ABCB9: variants seen among roughly 807,000 people sequenced by gnomAD.
ABCB9 encodes ABC-type oligopeptide transporter ABCB9.
Under a neutral mutation model 62.0 loss-of-function variants are expected in ABCB9, and 36 were observed. That is an observed-to-expected ratio of 0.58 (90% CI 0.45 to 0.77). The LOEUF (loss-of-function observed/expected upper bound fraction) is 0.77. Among genes scored for constraint, ABCB9 ranks in the 30% least tolerant of loss-of-function variants. The probability of loss-of-function intolerance (pLI) is 0.00; values close to 1 mark genes in which losing one functional copy is unlikely to be tolerated. For synonymous variants in ABCB9, 435 were observed against 461.4 expected (o/e 0.94, Z 0.73); for missense variants, 943 against 1,054.7 (o/e 0.89, Z 1.47).
At chr12:122,970,663 C>T (rs1176234357), upstream of ABCB9, among the ~76,000 whole-genome samples, 2 of 152,154 alleles carry the variant, frequency 1.3e-5, no homozygotes, top group Non-Finnish European at 2.9e-5. Flanking sequence ...TGAAACATCA[C>T]TACATACCCC....
Position 122,940,412 on chromosome 12 carries a change from G to T in ABCB9, c.1570-128C>A. Reference sequence around the variant, plus strand: ...TGTGCCTCTCCCTCGCTTGGGCACTGCTGGCCCCTAAACGTTCTTTCTAAG... The same window carrying T: ...TGTGCCTCTCCCTCGCTTGGGCACTTCTGGCCCCTAAACGTTCTTTCTAAG... On this transcript the variant is annotated intron_variant, in intron 8 of 11. Transcript: ENST00000280560. This position sits in a 1 kb window ranked among gnomAD's most constrained non-coding sequence, Gnocchi z 4.8. 9.2e-7 allele frequency: 1 copy of T among 1,092,720 alleles called. No individual in the cohort carries two copies. The highest frequency in any genetic ancestry group is 1.3e-6 in the Non-Finnish European group (1 of 776,652). The allele number at this position is 1,092,720 out of a possible 1,614,324, so 67.7% of individuals were successfully genotyped here. A position where few individuals can be genotyped will look rare whatever the true frequency, so the allele number is the denominator to read the frequency against.
chr12:122,954,171 C>CAA (rs557726998), intron 2 of ABCB9, among the ~76,000 whole-genome samples: 56 of 114,850 alleles, frequency 4.9e-4, no homozygotes, highest in African/African-American at 1.3e-3. Flanking sequence ...GGCCCTGCCT[C>CAA]AAAAAAAAAA....
intron 11 of ABCB9, among the ~76,000 whole-genome samples, chr12:122,921,905 G>T (rs769362086): frequency 7.2e-5 from 11 of 152,138 alleles, no homozygotes; most frequent in Non-Finnish European, 1.3e-4. Flanking sequence ...GAAACAAATG[G>T]TCAGCAGCAA....
rs900134284 is a variant in ABCB9 at position 122,930,657 on chromosome 12, C to A, written c.2041-486G>T. On this transcript the variant is annotated intron_variant, in intron 11 of 11. Coordinates refer to ENST00000280560, the MANE Select transcript of ABCB9 (RefSeq NM_019625.4). The surrounding 1 kb of genome is among the most constrained non-coding windows in gnomAD (Gnocchi z 4.9). ...ACACCTGACTTTGTGATCCGCCTGG[C>A]CTCGGCCTCCCAAAGTGCTGGGATT... Among the ~76,000 whole-genome samples, 18 of 152,030 alleles carry A rather than the reference C, an allele frequency of 1.2e-4. No individual in the cohort carries two copies. The highest frequency in any genetic ancestry group is 4.4e-4 in the African/African-American group (18 of 41,374).
upstream of ABCB9, among the ~76,000 whole-genome samples, chr12:122,967,501 A>G (rs1037839386): frequency 1.1e-4 from 17 of 152,178 alleles, no homozygotes; most frequent in African/African-American, 4.1e-4. Context: ...CTCTGATCAG[A>G]GGCTTTGTTT....
At position 122,929,686 on chromosome 12, in the gene ABCB9, GGAGGT is replaced by G. The variant is rs1211991353; in HGVS notation, c.*220_*224del. 3.0e-5 allele frequency: 38 copies of G among 1,287,506 alleles called. No individual in the cohort carries two copies. In the African/African-American group the frequency reaches 5.0e-4, roughly 17 times the overall value. The allele number at this position is 1,287,506 out of a possible 1,614,324, so 79.8% of individuals were successfully genotyped here. On this transcript the variant is annotated 3_prime_UTR_variant, in exon 12 of 12. Transcript: ENST00000280560. The surrounding 1 kb of genome is among the most constrained non-coding windows in gnomAD (Gnocchi z 6.0). ...GCTCTACCTTTGCTTAGGAGGCTAG[GGAGGT>G]CCGTGAAGGCGTTGGCTCAGGGCAG...
intron 4 of ABCB9, 107 bp downstream of exon 4, chr12:122,949,677 GAAGA>G (rs2036247654): frequency 7.2e-7 from 1 of 1,397,642 alleles, no homozygotes; most frequent in African/African-American, 1.4e-5. Flanking sequence ...AGCAGGAGGA[GAAGA>G]CAGAGGGCTG....
Position 122,929,121 on chromosome 12 carries a change from A to G in ABCB9, c.*790T>C. On this transcript the variant is annotated 3_prime_UTR_variant, in exon 12 of 12. Coordinates refer to ENST00000280560, the MANE Select transcript of ABCB9 (RefSeq NM_019625.4). This position sits in a 1 kb window ranked among gnomAD's most constrained non-coding sequence, Gnocchi z 6.0. Reference sequence around the variant, plus strand: ...ACAGAAGAGAATGCATCTCATGAACATCCACGTGGCCTCCAGACAGCAGAG... The same window carrying G: ...ACAGAAGAGAATGCATCTCATGAACGTCCACGTGGCCTCCAGACAGCAGAG... The G allele has an allele frequency of 1.0e-6, 1 of 985,246 alleles. No homozygotes were observed. Among genetic ancestry groups the G allele is most frequent in the Non-Finnish European group, 1.2e-6 (1 of 829,814 alleles). The allele number at this position is 985,246 out of a possible 1,614,324, so 61.0% of individuals were successfully genotyped here. A position where few individuals can be genotyped will look rare whatever the true frequency, so the allele number is the denominator to read the frequency against.
intron 4 of ABCB9, among the ~76,000 whole-genome samples, chr12:122,949,585 C>T (rs1400965810): frequency 6.6e-6 from 1 of 152,170 alleles, no homozygotes; most frequent in Non-Finnish European, 1.5e-5. Flanking sequence ...CCACAGAGGC[C>T]GCAGCCCACA....
intron 11 of ABCB9, among the ~76,000 whole-genome samples, chr12:122,923,411 C>T (rs1450842347): frequency 6.6e-6 from 1 of 152,158 alleles, no homozygotes. Flanking sequence ...CTCAGCCTCC[C>T]GAGTAGCTGG....
chr12:122,933,533 G>A (rs1382683902), intron 10 of ABCB9, among the ~76,000 whole-genome samples: 1 of 151,376 alleles, frequency 6.6e-6, no homozygotes, highest in Non-Finnish European at 1.5e-5. Context: ...CAGCCTGGGC[G>A]ACAGAGCGAG....
chr12:122,948,345 T>C, intron 5 of ABCB9: 1 of 306,772 alleles, frequency 3.3e-6, no homozygotes. Flanking sequence ...TGGATTCTCA[T>C]TCTTTATGCT....
chr12:122,922,432 T>A (rs2034770940), intron 11 of ABCB9, among the ~76,000 whole-genome samples: 1 of 152,188 alleles, frequency 6.6e-6, no homozygotes, highest in Non-Finnish European at 1.5e-5. Flanking sequence ...CAGGCTGGAG[T>A]GCAGTGGCAC....
rs761678362 is a variant in ABCB9 at position 122,946,230 on chromosome 12, C to T, written c.1054-8G>A. 18 of 1,613,918 alleles carry T rather than the reference C, an allele frequency of 1.1e-5. No homozygotes were observed. The East Asian group carries it at 3.6e-4, about 32-fold the overall frequency. On this transcript the variant is annotated splice_polypyrimidine_tract_variant and splice_region_variant and intron_variant, in intron 5 of 11. Coordinates refer to ENST00000280560, the MANE Select transcript of ABCB9 (RefSeq NM_019625.4). ...GACCTCTTTGGAGAGCCTCTATGGA[C>T]AGGAGGGGGACAAGAAGGAGAAGAC... is the stretch of plus-strand genomic sequence containing the variant.
chr12:122,960,216 A>G lies in ABCB9; in HGVS notation c.20T>C (p.Val7Ala), dbSNP rs201220040. Residue 7 changes from valine to alanine, a missense_variant, in exon 2 of 12, where the codon GTG becomes GCG. By Grantham distance (64) the Val-to-Ala change is moderately conservative. Coordinates refer to ENST00000280560, the MANE Select transcript of ABCB9 (RefSeq NM_019625.4). MRLWKA[V>A]VVTLAFMSVD... ...ACTCATGAAGGCCAAAGTCACCACCACCGCCTTCCACAGCCGCATCCTGCT... is the reference window on the plus strand; with the variant it reads ...ACTCATGAAGGCCAAAGTCACCACCGCCGCCTTCCACAGCCGCATCCTGCT... The G allele has an allele frequency of 6.3e-5, 101 of 1,611,396 alleles. No homozygotes were observed. The highest frequency in any genetic ancestry group is 8.4e-5 in the Non-Finnish European group (99 of 1,178,790).
chr12:122,954,676 A>G (rs999924178), intron 2 of ABCB9, among the ~76,000 whole-genome samples: 1 of 152,118 alleles, frequency 6.6e-6, no homozygotes, highest in African/African-American at 2.4e-5. Flanking sequence ...TATTTTTAGT[A>G]GAGACGGAGT....
chr12:122,960,166 T>A lies in ABCB9; in HGVS notation c.70A>T (p.Ile24Phe). 2 of 1,613,648 alleles carry A rather than the reference T, an allele frequency of 1.2e-6. No individual in the cohort carries two copies. The highest frequency in any genetic ancestry group is 1.7e-6 in the Non-Finnish European group (2 of 1,180,022). The change falls in exon 2 of 12, where the codon ATC becomes TTC. Residue 24 changes from isoleucine (I) to phenylalanine (F), a missense_variant. By Grantham distance (21) the Ile-to-Phe change is conservative. Transcript: ENST00000280560. Reference sequence around the variant, plus strand: ...CGGTCCAGGTGGCTGAAGACATAGATGGCCGTGGTCACGCAGATGTCCACA... The same window carrying A: ...CGGTCCAGGTGGCTGAAGACATAGAAGGCCGTGGTCACGCAGATGTCCACA... ...MSVDICVTTA[I>F]YVFSHLDRSL...
upstream of ABCB9, among the ~76,000 whole-genome samples, chr12:122,969,174 A>ACCCCCCCCCC (rs56058123): frequency 2.2e-5 from 3 of 138,474 alleles, no homozygotes; most frequent in African/African-American, 2.7e-5. Flanking sequence ...CATCCTTTCC[A>ACCCCCCCCCC]CCCCCCCCCC....
Position 122,929,952 on chromosome 12 carries a change from C to T in ABCB9, c.2260G>A (p.Gly754Ser), listed in dbSNP as rs758471224. 1.9e-6 allele frequency: 3 copies of T among 1,575,670 alleles called. No individual in the cohort carries two copies. The highest frequency in any genetic ancestry group is 1.1e-5 in the South Asian group (1 of 88,122). The change falls in exon 12 of 12, where the codon GGC (glycine) becomes AGC (serine). Residue 754 changes from glycine to serine, a missense_variant. Gly to Ser is a moderately conservative substitution (Grantham distance 56). Coordinates refer to ENST00000280560, the MANE Select transcript of ABCB9 (RefSeq NM_019625.4). The surrounding 1 kb of genome is among the most constrained non-coding windows in gnomAD (Gnocchi z 6.0). ...CCGTTGGCTACAGGCTCGTTGTGGC[C>T]AGCTGTGAAGTCTGCGGCGGGCTGA... is the stretch of plus-strand genomic sequence containing the variant. ...GLQPAADFTA[G>S]HNEPVANGSH...
Sources: gnomAD v4.1 joint callset for allele counts (sites outside exome capture counted in the v4.1 genomes callset) on GRCh38, gnomAD v4.1.1 for gene constraint, Gnocchi (gnomAD v3.1) non-coding constraint, MANE v1.5 for transcripts, NCBI Gene and HGNC (gene_info 2026-07-23, HGNC 2026-07-21) for gene names.